Variants in CNTN5 observed in about 807,000 individuals in gnomAD.
The protein encoded by CNTN5 is contactin 5.
In CNTN5, 77 loss-of-function variants were observed where a neutral mutation model predicts 129.1. The ratio of observed to expected loss-of-function variants is 0.60; its 90% CI spans 0.50 to 0.72. The LOEUF (loss-of-function observed/expected upper bound fraction) is 0.72, where lower values mean the gene tolerates loss of function less well. Ranked by LOEUF, CNTN5 falls within the 30% of genes least tolerant of loss-of-function variation. The probability of loss-of-function intolerance (pLI) is 0.00; values close to 1 mark genes in which losing one functional copy is unlikely to be tolerated. For missense variants in CNTN5, 1,478 were observed against 1,328.8 expected, an observed-to-expected ratio of 1.11 and a Z score of -1.75; for synonymous variants, 509 against 465.6, an observed-to-expected ratio of 1.09 and a Z score of -1.20.
chr11:99,646,537 C>T (rs1169137027), intron 3 of CNTN5, among the ~76,000 whole-genome samples: 1 of 152,090 alleles, frequency 6.6e-6, no homozygotes, highest in Non-Finnish European at 1.5e-5. Flanking sequence ...TACAATCAAT[C>T]CACTCACACA....
At chr11:100,206,652 T>C (rs1948918233) in intron 15 of CNTN5, among the ~76,000 whole-genome samples, 1 of 152,106 alleles carries the variant, frequency 6.6e-6, no homozygotes, top group Non-Finnish European at 1.5e-5. Flanking sequence ...CCCTGAGGAC[T>C]GTATGATTTT....
intron 8 of CNTN5, among the ~76,000 whole-genome samples, chr11:99,995,891 C>T (rs1035338): frequency 0.38 from 57,814 of 152,036 alleles, 12,559 homozygotes; most frequent in African/African-American, 0.6. Flanking sequence ...TCCAGTCTCA[C>T]TGCTTCATCT....
At chr11:100,285,750 G>A (rs1173548147) in intron 18 of CNTN5, among the ~76,000 whole-genome samples, 1 of 152,178 alleles carries the variant, frequency 6.6e-6, no homozygotes, top group Non-Finnish European at 1.5e-5. Flanking sequence ...AAATACTGAG[G>A]AGCCAAGATG....
intron 15 of CNTN5, among the ~76,000 whole-genome samples, chr11:100,224,045 C>T (rs950523297): frequency 5.9e-5 from 9 of 152,076 alleles, no homozygotes; most frequent in African/African-American, 2.2e-4. Flanking sequence ...ATCATCTTGC[C>T]CCCAACAAGA....
chr11:99,492,778 T>G (rs952886403), intron 2 of CNTN5, among the ~76,000 whole-genome samples: 9 of 152,184 alleles, frequency 5.9e-5, no homozygotes, highest in African/African-American at 2.2e-4. Context: ...TATATTTTTA[T>G]GCTTGGATTT....
At chr11:99,733,283 C>T (rs975627979) in intron 3 of CNTN5, among the ~76,000 whole-genome samples, 2 of 148,824 alleles carry the variant, frequency 1.3e-5, no homozygotes, top group African/African-American at 2.5e-5. Context: ...GATCGTGCCA[C>T]TGCACTCCAG....
At chr11:100,258,907 C>T (rs974356934) in intron 17 of CNTN5, among the ~76,000 whole-genome samples, 1 of 152,160 alleles carries the variant, frequency 6.6e-6, no homozygotes, top group African/African-American at 2.4e-5. Flanking sequence ...AAATAACCAG[C>T]TAGCATCATA....
intron 2 of CNTN5, among the ~76,000 whole-genome samples, chr11:99,450,768 GTTTTTT>G (rs34146715): frequency 3.8e-5 from 4 of 105,004 alleles, no homozygotes; most frequent in Admixed American, 1.1e-4. Context: ...ATTGAAGCAA[GTTTTTT>G]TTTTTTTTTT....
chr11:100,052,630 C>T (rs1319837163), intron 9 of CNTN5, among the ~76,000 whole-genome samples: 1 of 151,764 alleles, frequency 6.6e-6, no homozygotes, highest in African/African-American at 2.4e-5. Context: ...AGTCAATTCT[C>T]TCACAGTTGA....
chr11:100,086,974 G>A (rs949568795), intron 13 of CNTN5, among the ~76,000 whole-genome samples: 15 of 151,468 alleles, frequency 9.9e-5, no homozygotes, highest in East Asian at 3.9e-4. Context: ...ATTAGGAAAC[G>A]AACATGAAAC....
At chr11:99,973,748 C>T (rs1175866425) in intron 8 of CNTN5, among the ~76,000 whole-genome samples, 1 of 152,052 alleles carries the variant, frequency 6.6e-6, no homozygotes, top group Non-Finnish European at 1.5e-5. Flanking sequence ...TTTTTATTAT[C>T]CAGTATTAAA....
chr11:99,647,160 T>C (rs777146258), intron 3 of CNTN5, among the ~76,000 whole-genome samples: 3 of 152,136 alleles, frequency 2.0e-5, no homozygotes, highest in Non-Finnish European at 4.4e-5. Context: ...TTTTATAGTT[T>C]CAAGTCTTAC....
intron 8 of CNTN5, among the ~76,000 whole-genome samples, chr11:99,994,872 G>C (rs1008698461): frequency 1.3e-5 from 2 of 152,120 alleles, no homozygotes; most frequent in Non-Finnish European, 2.9e-5. Flanking sequence ...TGCTATTCAA[G>C]TAGCTAGTAG....
chr11:99,128,460 G>T (rs1858757113), intron 1 of CNTN5, among the ~76,000 whole-genome samples: 1 of 145,608 alleles, frequency 6.9e-6, no homozygotes, highest in Non-Finnish European at 1.5e-5. Context: ...AGCAATTCCA[G>T]CCAGGCCTTT....
chr11:99,979,014 A>T (rs1938174983), intron 8 of CNTN5, among the ~76,000 whole-genome samples: 1 of 152,152 alleles, frequency 6.6e-6, no homozygotes, highest in Non-Finnish European at 1.5e-5. Flanking sequence ...ACTCTCTCTA[A>T]ACTTTAGATT....
At chr11:99,509,973 T>A (rs1426589615) in intron 2 of CNTN5, among the ~76,000 whole-genome samples, 1 of 151,428 alleles carries the variant, frequency 6.6e-6, no homozygotes, top group Non-Finnish European at 1.5e-5. Context: ...TATATACAAA[T>A]GTCGCTTAAT....
intron 3 of CNTN5, among the ~76,000 whole-genome samples, chr11:99,619,781 C>T (rs190193933): frequency 6.6e-6 from 1 of 152,072 alleles, no homozygotes; most frequent in African/African-American, 2.4e-5. Flanking sequence ...AATCCCAGCA[C>T]TTTGGGAGGC....
At chr11:99,131,478 G>GA (rs1219079499) in intron 1 of CNTN5, among the ~76,000 whole-genome samples, 3 of 151,368 alleles carry the variant, frequency 2.0e-5, no homozygotes, top group East Asian at 1.9e-4. Context: ...CTGGTTTTTT[G>GA]AAAAAATCAA....
At chr11:100,337,530 TC>T in intron 21 of CNTN5, 1 of 740,602 alleles carries the variant, frequency 1.4e-6, no homozygotes, top group Non-Finnish European at 2.5e-6. Flanking sequence ...CATGTCTGTA[TC>T]CCCAGTCAAG....
Sources: gnomAD v4.1 joint callset for allele counts (sites outside exome capture counted in the v4.1 genomes callset) on GRCh38, gnomAD v4.1.1 for gene constraint, MANE v1.5 for transcripts, NCBI Gene and HGNC (gene_info 2026-07-23, HGNC 2026-07-21) for gene names.